The following GRM7 variants were observed in gnomAD, a reference collection of about 807,000 sequenced individuals.
The protein encoded by GRM7 is metabotropic glutamate receptor 7.
In GRM7, 35 loss-of-function variants were observed where a neutral mutation model predicts 84.5. The ratio of observed to expected loss-of-function variants is 0.41; its 90% CI spans 0.32 to 0.55. The LOEUF (loss-of-function observed/expected upper bound fraction) is 0.55, where lower values mean the gene tolerates loss of function less well. Ranked by LOEUF, GRM7 falls within the 20% of genes least tolerant of loss-of-function variation. The pLI is 0.19. For synonymous variants in GRM7, 487 were observed against 455.1 expected, an observed-to-expected ratio of 1.07 and a Z score of -0.89; for missense variants, 1,003 against 1,194.6, an observed-to-expected ratio of 0.84 and a Z score of 2.36.
chr3:7,341,219 C>T (rs1364775482), intron 4 of GRM7, among the ~76,000 whole-genome samples: 2 of 152,084 alleles, frequency 1.3e-5, no homozygotes, highest in African/African-American at 2.4e-5. Context: ...GAATACTTCT[C>T]AAATTTCAGA....
chr3:7,595,558 G>A (rs1422116791), intron 8 of GRM7, among the ~76,000 whole-genome samples: 1 of 152,170 alleles, frequency 6.6e-6, no homozygotes, highest in Non-Finnish European at 1.5e-5. Flanking sequence ...AATCAAATAT[G>A]AGTATGTAAT....
Position 7,059,417 on chromosome 3 carries a change from A to G in GRM7, c.520-87035A>G, listed in dbSNP as rs545054565. Among the ~76,000 whole-genome samples, 185 of 151,890 alleles carry G rather than the reference A, an allele frequency of 1.2e-3. 1 individual carries two copies. Among genetic ancestry groups the G allele is most frequent in the Non-Finnish European group, 2.4e-3 (161 of 67,854 alleles). On this transcript the variant is annotated intron_variant, in intron 1 of 9. Transcript: ENST00000357716. ...TTTAAAACTAGAAAGGTCTTTATAAAAGTTTCTATTCAATACTTTCATTAT... is the reference window on the plus strand; with the variant it reads ...TTTAAAACTAGAAAGGTCTTTATAAGAGTTTCTATTCAATACTTTCATTAT...
intron 4 of GRM7, among the ~76,000 whole-genome samples, chr3:7,389,216 T>C (rs2125138568): frequency 6.6e-6 from 1 of 152,298 alleles, no homozygotes; most frequent in Middle Eastern, 3.4e-3. Context: ...GATTTTGGTA[T>C]TTATTGCATT....
intron 1 of GRM7, among the ~76,000 whole-genome samples, chr3:6,998,767 T>C (rs1166942991): frequency 6.6e-6 from 1 of 152,224 alleles, no homozygotes; most frequent in African/African-American, 2.4e-5. Context: ...AGCCATGGCC[T>C]GAGCTGTACC....
At chr3:7,580,221 T>A (rs1202383482) in intron 8 of GRM7, among the ~76,000 whole-genome samples, 3 of 152,204 alleles carry the variant, frequency 2.0e-5, no homozygotes, top group African/African-American at 7.2e-5. Flanking sequence ...TCAACCCTAA[T>A]ATATTGATAG....
chr3:6,926,490 T>G (rs2125038870), intron 1 of GRM7, among the ~76,000 whole-genome samples: 1 of 152,318 alleles, frequency 6.6e-6, no homozygotes, highest in Middle Eastern at 3.4e-3. Flanking sequence ...CCACAGATAC[T>G]TTCTTTCTAC....
intron 8 of GRM7, among the ~76,000 whole-genome samples, chr3:7,654,858 T>C (rs9874877): frequency 0.64 from 97,344 of 152,142 alleles, 31,868 homozygotes; most frequent in African/African-American, 0.76. Flanking sequence ...AATAATTGCT[T>C]GGGGTGGCCC....
intron 1 of GRM7, among the ~76,000 whole-genome samples, chr3:7,012,884 G>A (rs1172158408): frequency 6.6e-6 from 1 of 152,158 alleles, no homozygotes; most frequent in African/African-American, 2.4e-5. Flanking sequence ...AGGACTACAG[G>A]TGTGCATCAT....
chr3:6,869,595 C>CTATCTATCTATCTATCTATCTATCT (rs1695050105), intron 1 of GRM7, among the ~76,000 whole-genome samples: 1 of 151,834 alleles, frequency 6.6e-6, no homozygotes, highest in Admixed American at 6.6e-5. Context: ...ATCTATCTAT[C>CTATCTATCTATCTATCTATCTATCT]TATCTATGGA....
intron 5 of GRM7, among the ~76,000 whole-genome samples, chr3:7,450,482 T>G (rs1208194450): frequency 6.6e-6 from 1 of 152,186 alleles, no homozygotes; most frequent in African/African-American, 2.4e-5. Flanking sequence ...TACAGGCATA[T>G]GCAGAAGGCT....
chr3:6,981,927 C>G (rs530353911), intron 1 of GRM7, among the ~76,000 whole-genome samples: 2 of 152,232 alleles, frequency 1.3e-5, no homozygotes, highest in East Asian at 1.9e-4. Context: ...CCATTGGATC[C>G]AGCAGTCTCT....
intron 7 of GRM7, among the ~76,000 whole-genome samples, chr3:7,494,057 CTATTT>C (rs1214910485): frequency 6.6e-6 from 1 of 152,076 alleles, no homozygotes; most frequent in Non-Finnish European, 1.5e-5. Flanking sequence ...AAATGATAGA[CTATTT>C]TATGTGCCCA....
intron 1 of GRM7, among the ~76,000 whole-genome samples, chr3:7,096,622 G>A (rs186428888): frequency 6.6e-6 from 1 of 152,180 alleles, no homozygotes. Context: ...GGCACGACTG[G>A]TGAAATCATT....
intron 7 of GRM7, among the ~76,000 whole-genome samples, chr3:7,557,801 T>C (rs1190186616): frequency 6.6e-6 from 1 of 152,138 alleles, no homozygotes; most frequent in Non-Finnish European, 1.5e-5. Context: ...GTAAATCCCC[T>C]CCTTGTTCTC....
intron 4 of GRM7, chr3:7,403,105 C>A: frequency 4.8e-6 from 2 of 420,582 alleles, no homozygotes; most frequent in African/African-American, 2.0e-5. Flanking sequence ...AAAAATAAAA[C>A]GTGAAGCTTC....
chr3:7,186,742 T>A (rs1398113348), intron 2 of GRM7, among the ~76,000 whole-genome samples: 1 of 152,188 alleles, frequency 6.6e-6, no homozygotes, highest in East Asian at 1.9e-4. Context: ...GTAATTATAG[T>A]CTCCCTTGTA....
chr3:7,542,978 G>A (rs939352469), intron 7 of GRM7, among the ~76,000 whole-genome samples: 1 of 152,124 alleles, frequency 6.6e-6, no homozygotes, highest in African/African-American at 2.4e-5. Flanking sequence ...ATGAAGGGCT[G>A]GTATCCTGAC....
chr3:6,940,468 A>C (rs1322454638), intron 1 of GRM7, among the ~76,000 whole-genome samples: 1 of 152,196 alleles, frequency 6.6e-6, no homozygotes, highest in African/African-American at 2.4e-5. Flanking sequence ...TTTAACTCAC[A>C]CCTATAATTC....
In GRM7 at chr3:7,060,607, T is replaced by C. The variant is rs113592169; in HGVS notation, c.520-85845T>C. Among the ~76,000 whole-genome samples, 1,079 of 151,874 alleles carry C rather than the reference T, an allele frequency of 7.1e-3. 6 individuals are homozygous for C. Among genetic ancestry groups the C allele is most frequent in the Non-Finnish European group, 0.012 (805 of 67,804 alleles). On this transcript the variant is annotated intron_variant, in intron 1 of 9. Transcript: ENST00000357716. The stretch of plus-strand genomic sequence containing the variant: ...ATGAACTATTACAAGAATGATAAAT[T>C]AACTATTGTTATGTTAAGCCACTCA...
Sources: allele counts gnomAD v4.1 joint callset (sites outside exome capture counted in the v4.1 genomes callset), GRCh38; gene constraint gnomAD v4.1.1; transcripts MANE v1.5; gene names NCBI Gene and HGNC (gene_info 2026-07-23, HGNC 2026-07-21).